Variants in PKNOX1 observed in about 807,000 individuals in gnomAD.
PKNOX1 encodes PBX/knotted 1 homeobox 1.
Under a neutral mutation model 51.9 loss-of-function variants are expected in PKNOX1, and 15 were observed. The ratio of observed to expected loss-of-function variants is 0.29; its 90% CI spans 0.19 to 0.45. The LOEUF (loss-of-function observed/expected upper bound fraction) is 0.45. Among genes scored for constraint, PKNOX1 ranks in the 20% least tolerant of loss-of-function variants. The probability of loss-of-function intolerance (pLI) is 1.00; values close to 1 mark genes in which losing one functional copy is unlikely to be tolerated. For synonymous variants in PKNOX1, 219 were observed against 211.1 expected, an observed-to-expected ratio of 1.04 and a Z score of -0.32; for missense variants, 462 against 547.5, an observed-to-expected ratio of 0.84 and a Z score of 1.56.
At chr21:42,979,954 C>T (rs1165746903) in intron 1 of PKNOX1, among the ~76,000 whole-genome samples, 1 of 152,192 alleles carries the variant, frequency 6.6e-6, no homozygotes, top group East Asian at 1.9e-4. Flanking sequence ...CAAAGATTAA[C>T]CTTCTGCGCT....
chr21:42,982,226 C>T (rs1230988715), intron 1 of PKNOX1, among the ~76,000 whole-genome samples: 1 of 152,166 alleles, frequency 6.6e-6, no homozygotes. Flanking sequence ...GCTTCTGACA[C>T]CTGCACAAGG....
chr21:43,016,812 T>G, intron 5 of PKNOX1, 96 bp from the exon 6 acceptor site: 1 of 732,658 alleles, frequency 1.4e-6, no homozygotes, highest in East Asian at 2.7e-5. Flanking sequence ...TCTCTTTCCT[T>G]TTTTAATGGT....
rs71195904 is a variant in PKNOX1 at position 42,984,974 on chromosome 21, C to CTTTTTTTTTTTTTTT, written c.-57+10323_-57+10337dup. The stretch of plus-strand genomic sequence containing the variant: ...GGGTTAGGGTTCCTCATTTTCTTTT[C>CTTTTTTTTTTTTTTT]TTTTTTTTTTTTTTTTTTTTTTTTT... On this transcript the variant is annotated intron_variant, in intron 1 of 10. Coordinates refer to ENST00000291547, the MANE Select transcript of PKNOX1 (RefSeq NM_004571.5). Among the ~76,000 whole-genome samples the CTTTTTTTTTTTTTTT allele has an allele frequency of 2.2e-4, 13 of 57,998 alleles. 1 individual carries two copies. Among genetic ancestry groups the CTTTTTTTTTTTTTTT allele is most frequent in the Admixed American group, 5.8e-4 (2 of 3,434 alleles). 38.0% of individuals were successfully genotyped at this position (57,998 alleles called of 152,430 possible).
chr21:43,022,537 G>A (rs1048583482), intron 8 of PKNOX1, among the ~76,000 whole-genome samples: 1 of 152,108 alleles, frequency 6.6e-6, no homozygotes, highest in Non-Finnish European at 1.5e-5. Context: ...CCTGGGCTGC[G>A]CCTCTTCTGC....
In PKNOX1 at chr21:42,996,730, A is replaced by G. The variant is rs142437455; in HGVS notation, c.-56-7596A>G. 8.8e-4 allele frequency among the ~76,000 whole-genome samples: 134 copies of G among 152,252 alleles called. 1 individual carries two copies. Among genetic ancestry groups the G allele is most frequent in the Middle Eastern group, 3.4e-3 (1 of 294 alleles). Reference sequence around the variant, plus strand: ...ATAAGTTAGCCACCATGCTCAGCTAATTTTTAAAAAAATTTGTTGTAGAGA... The same window carrying G: ...ATAAGTTAGCCACCATGCTCAGCTAGTTTTTAAAAAAATTTGTTGTAGAGA... On this transcript the variant is annotated intron_variant, in intron 1 of 10. Transcript: ENST00000291547.
rs71195903 is a variant in PKNOX1 at position 42,978,791 on chromosome 21, G to GT, written c.-57+4136dup. ...GAGCCACCGCACCCAGCCCTTTTTT[G>GT]TTTTTTTTTAAAGAGATGAAGTCTC... On this transcript the variant is annotated intron_variant, in intron 1 of 10. Coordinates refer to ENST00000291547, the MANE Select transcript of PKNOX1 (RefSeq NM_004571.5). Among the ~76,000 whole-genome samples the GT allele has an allele frequency of 6.7e-3, 1,009 of 150,540 alleles. 9 individuals carry two copies. Among genetic ancestry groups the GT allele is most frequent in the Non-Finnish European group, 8.0e-3 (537 of 67,488 alleles).
intron 1 of PKNOX1, among the ~76,000 whole-genome samples, chr21:42,993,382 G>A (rs1318405758): frequency 2.0e-5 from 3 of 152,156 alleles, no homozygotes; most frequent in Non-Finnish European, 2.9e-5. Context: ...TGGCTGGGCC[G>A]GGCCTCCACG....
chr21:43,006,612 C>T (rs1277502452), intron 2 of PKNOX1, among the ~76,000 whole-genome samples: 1 of 152,056 alleles, frequency 6.6e-6, no homozygotes, highest in Non-Finnish European at 1.5e-5. Context: ...GGGAAGAGAG[C>T]ACAGGGCTGG....
chr21:42,982,718 C>T (rs1016086410), intron 1 of PKNOX1, among the ~76,000 whole-genome samples: 14 of 101,162 alleles, frequency 1.4e-4, no homozygotes, highest in African/African-American at 4.5e-4. Context: ...GCAACAAGAG[C>T]GAAACTCCAT....
intron 1 of PKNOX1, among the ~76,000 whole-genome samples, chr21:43,003,305 C>T (rs547216132): frequency 1.3e-5 from 2 of 152,342 alleles, no homozygotes; most frequent in Non-Finnish European, 1.5e-5. Context: ...TGTTTTTCCA[C>T]ACCCATGCTG....
chr21:43,008,065 A>T (rs1788476), intron 3 of PKNOX1, among the ~76,000 whole-genome samples: 7,197 of 62,332 alleles, frequency 0.12, 245 homozygotes, highest in Non-Finnish European at 0.22. Context: ...ACTCTGTCAC[A>T]CACACACACA....
At chr21:43,019,431 T>C (rs1306764645) in intron 7 of PKNOX1, among the ~76,000 whole-genome samples, 1 of 152,180 alleles carries the variant, frequency 6.6e-6, no homozygotes, top group Non-Finnish European at 1.5e-5. Context: ...ACACATTTTT[T>C]TGAGACTTTG....
intron 1 of PKNOX1, among the ~76,000 whole-genome samples, chr21:42,988,197 C>T (rs368078570): frequency 8.5e-5 from 13 of 152,134 alleles, no homozygotes; most frequent in African/African-American, 2.7e-4. Context: ...GAAATAGGCG[C>T]GTGCCACCAC....
intron 1 of PKNOX1, among the ~76,000 whole-genome samples, chr21:42,977,428 C>A (rs1316533070): frequency 1.3e-5 from 2 of 151,972 alleles, no homozygotes; most frequent in Non-Finnish European, 2.9e-5. Context: ...CCTGGATAAC[C>A]TGGTGTTGCT....
Position 43,030,385 on chromosome 21 carries a change from A to G in PKNOX1, c.*284A>G. 3.9e-6 allele frequency: 1 copy of G among 256,512 alleles called. No individual in the cohort carries two copies. Among genetic ancestry groups the G allele is most frequent in the East Asian group, 7.2e-5 (1 of 13,898 alleles). 15.9% of individuals were successfully genotyped at this position (256,512 alleles called of 1,614,324 possible). A position where few individuals can be genotyped will look rare whatever the true frequency, so the allele number is the denominator to read the frequency against. On this transcript the variant is annotated 3_prime_UTR_variant, in exon 11 of 11. Coordinates refer to ENST00000291547, the MANE Select transcript of PKNOX1 (RefSeq NM_004571.5). ...GACACACCACTCCCTCCCCACCTTG[A>G]ATCCCTAATTAGATTAAGGAATAGC...
At position 42,974,660 on chromosome 21, in the gene PKNOX1, C is replaced by G. The variant is rs1362093649; in HGVS notation, c.-61C>G. 6.3e-6 allele frequency: 1 copy of G among 158,746 alleles called. No individual in the cohort carries two copies. The highest frequency in any genetic ancestry group is 2.4e-5 in the African/African-American group (1 of 41,370). 9.8% of individuals were successfully genotyped at this position (158,746 alleles called of 1,614,324 possible). ...CTTGTCAGTGTGATGAAGATTGGCA[C>G]CCAGGTAAGCTGTCACTCAACCGCT... On this transcript the variant is annotated 5_prime_UTR_variant, in exon 1 of 11. Transcript: ENST00000291547.
intron 2 of PKNOX1, 147 bp downstream of exon 2, chr21:43,004,579 G>GA (rs3216136): frequency 0.88 from 515,038 of 582,618 alleles, 229,102 homozygotes; most frequent in Non-Finnish European, 0.91. Flanking sequence ...TTCGTGTTCA[G>GA]AAAAAAAGCC....
At chr21:42,981,386 T>G (rs1788470) in intron 1 of PKNOX1, among the ~76,000 whole-genome samples, 130,424 of 152,224 alleles carry the variant, frequency 0.86, 55,949 homozygotes, top group African/African-American at 0.88. Flanking sequence ...CCTGCCGGTT[T>G]AGTTACTGTT....
At position 42,974,596 on chromosome 21, in the gene PKNOX1, A is replaced by T. The variant is rs1253047290; in HGVS notation, c.-125A>T. On this transcript the variant is annotated 5_prime_UTR_variant, in exon 1 of 11. Coordinates refer to ENST00000291547, the MANE Select transcript of PKNOX1 (RefSeq NM_004571.5). ...GGCCCAGCGTCGGCGTGACGGTTGG[A>T]CGCGGGCGCGGCACTGCGGGTCCCG... is the stretch of plus-strand genomic sequence containing the variant. The T allele has an allele frequency of 2.6e-5, 4 of 151,884 alleles. No individual in the cohort carries two copies. Among genetic ancestry groups the T allele is most frequent in the African/African-American group, 9.8e-5 (4 of 40,972 alleles). 9.4% of individuals were successfully genotyped at this position (151,884 alleles called of 1,614,324 possible).
Sources: gnomAD v4.1 joint callset for allele counts (sites outside exome capture counted in the v4.1 genomes callset) on GRCh38, gnomAD v4.1.1 for gene constraint, MANE v1.5 for transcripts, NCBI Gene and HGNC (gene_info 2026-07-23, HGNC 2026-07-21) for gene names.